The following PTK2 variants were observed in gnomAD, a reference collection of about 807,000 sequenced individuals.
PTK2 encodes focal adhesion kinase 1.
PTK2 carries 45 observed loss-of-function variants against 150.1 expected under a neutral mutation model. That is an observed-to-expected ratio of 0.30 (90% CI 0.24 to 0.38). The LOEUF is 0.38. PTK2 is among the 10% of genes least tolerant of loss of function. The probability of loss-of-function intolerance (pLI) is 1.00; values close to 1 mark genes in which losing one functional copy is unlikely to be tolerated. For synonymous variants in PTK2, 432 were observed against 449.2 expected (o/e 0.96, Z 0.48); for missense variants, 919 against 1,307.3 (o/e 0.70, Z 4.58).
At chr8:140,669,859 G>A in intron 29 of PTK2, 124 bp from the exon 33 acceptor site, 1 of 1,158,322 alleles carries the variant, frequency 8.6e-7, no homozygotes, top group South Asian at 1.4e-5. Flanking sequence ...AGAACAAAAA[G>A]GAGCTAGTTT....
At chr8:140,844,445 C>G (rs1383881459) in intron 7 of PTK2, among the ~76,000 whole-genome samples, 2 of 151,924 alleles carry the variant, frequency 1.3e-5, no homozygotes, top group East Asian at 3.9e-4. Flanking sequence ...TTTATTTATT[C>G]AAGTATCTAT....
rs372118639 is a variant in PTK2, at chr8:140,678,671, T to G, written c.2563-3172A>C. Among the ~76,000 whole-genome samples, 3 of 152,190 alleles carry G rather than the reference T, an allele frequency of 2.0e-5. No individual in the cohort carries two copies. In the East Asian group the frequency reaches 5.8e-4, roughly 29 times the overall value. ...TCCAGACCAAAGCTGCAGTTTTAAGTAGGAAGGTCAGGCCTTCTAAGAAAG... is the reference window on the plus strand; with the variant it reads ...TCCAGACCAAAGCTGCAGTTTTAAGGAGGAAGGTCAGGCCTTCTAAGAAAG... On this transcript the variant is annotated intron_variant, in intron 27 of 31. Coordinates refer to ENST00000522684, the Ensembl canonical transcript of PTK2.
At chr8:140,817,069 GCCC>G (rs768969808) in intron 10 of PTK2, among the ~76,000 whole-genome samples, 6 of 152,160 alleles carry the variant, frequency 3.9e-5, no homozygotes, top group Non-Finnish European at 8.8e-5. Flanking sequence ...ATCCCATCTG[GCCC>G]CCAGGGAGGA....
intron 27 of PTK2, among the ~76,000 whole-genome samples, chr8:140,676,497 CAG>C (rs1356750846): frequency 6.6e-6 from 1 of 150,642 alleles, no homozygotes; most frequent in African/African-American, 2.4e-5. Flanking sequence ...AACTTACAAA[CAG>C]AAAATCAAAT....
chr8:140,883,690 C>T (rs2100150579), intron 3 of PTK2, among the ~76,000 whole-genome samples: 1 of 152,008 alleles, frequency 6.6e-6, no homozygotes, highest in Non-Finnish European at 1.5e-5. Context: ...AGTACGTTTC[C>T]TCCTCTTGGT....
At chr8:140,719,398 C>T (rs13257119) in intron 22 of PTK2, among the ~76,000 whole-genome samples, 19,457 of 152,100 alleles carry the variant, frequency 0.13, 1,709 homozygotes, top group Non-Finnish European at 0.19. Context: ...GAACCTGGTC[C>T]CATGTGCCAG....
At chr8:140,874,678 C>T (rs911489862) in intron 4 of PTK2, among the ~76,000 whole-genome samples, 2 of 152,032 alleles carry the variant, frequency 1.3e-5, no homozygotes, top group Non-Finnish European at 2.9e-5. Context: ...AAGAGAGTAC[C>T]TACATGATAA....
intron 4 of PTK2, among the ~76,000 whole-genome samples, chr8:140,866,518 G>A (rs991612045): frequency 6.6e-6 from 1 of 152,200 alleles, no homozygotes; most frequent in Non-Finnish European, 1.5e-5. Flanking sequence ...TTTGGGCCAT[G>A]CCACTTATTC....
intron 14 of PTK2, among the ~76,000 whole-genome samples, chr8:140,780,365 C>T (rs906376931): frequency 7.2e-5 from 11 of 152,084 alleles, no homozygotes; most frequent in Non-Finnish European, 1.5e-4. Flanking sequence ...AAAGAACAAC[C>T]AGATGTACAT....
intron 5 of PTK2, among the ~76,000 whole-genome samples, chr8:140,849,467 G>C (rs1324602129): frequency 6.6e-6 from 1 of 152,142 alleles, no homozygotes; most frequent in Non-Finnish European, 1.5e-5. Context: ...CTAACTCCCA[G>C]CAGAATTGCT....
chr8:140,800,482 G>C lies in PTK2; in HGVS notation c.1070C>G (p.Ser357Ter). 1 of 1,613,296 alleles carries C rather than the reference G, an allele frequency of 6.2e-7. No homozygotes were observed. ...ACCTTTCTGAGGTCTGATGATAAAT[G>C]ACTGCGAGGTTCCATTCACCAGCCG... is the stretch of plus-strand genomic sequence containing the variant. The change falls in exon 12 of 32, where the codon TCA (serine) becomes TGA (stop). Residue 357 changes from serine to a stop codon, truncating the protein, a stop_gained. Transcript: ENST00000522684. LOFTEE classifies it high-confidence loss of function.
At chr8:140,978,144 A>G (rs1447582074) in intron 1 of PTK2, among the ~76,000 whole-genome samples, 1 of 152,214 alleles carries the variant, frequency 6.6e-6, no homozygotes, top group African/African-American at 2.4e-5. Context: ...TAGACCTAAA[A>G]CCATAAAAAC....
chr8:140,770,982 T>C (rs1261637246), intron 14 of PTK2, 183 bp from the exon 15 acceptor site: 1 of 201,280 alleles, frequency 5.0e-6, no homozygotes, highest in Non-Finnish European at 1.0e-5. Flanking sequence ...AAAAACATAC[T>C]AATATTTTTA....
chr8:140,858,743 T>G (rs954194218), intron 5 of PTK2, among the ~76,000 whole-genome samples: 2 of 152,180 alleles, frequency 1.3e-5, no homozygotes, highest in Admixed American at 6.5e-5. Flanking sequence ...CTTGAAATAA[T>G]GGCTATTTAT....
chr8:140,701,120 A>T (rs2100030166), intron 25 of PTK2, 98 bp from the exon 29 acceptor site: 1 of 1,334,442 alleles, frequency 7.5e-7, no homozygotes, highest in Admixed American at 2.7e-5. Context: ...TAAGCAAAAC[A>T]GCAAGTATGA....
intron 14 of PTK2, among the ~76,000 whole-genome samples, chr8:140,765,479 T>TAA (rs974300319): frequency 6.7e-6 from 1 of 148,448 alleles, no homozygotes; most frequent in Non-Finnish European, 1.5e-5. Context: ...GTGATTACAG[T>TAA]AAAAAAAAAA....
chr8:140,904,182 C>A (rs962777112), intron 2 of PTK2, among the ~76,000 whole-genome samples: 3 of 152,108 alleles, frequency 2.0e-5, no homozygotes, highest in Admixed American at 6.5e-5. Context: ...TCCATCAATA[C>A]GTACTTTATT....
intron 10 of PTK2, among the ~76,000 whole-genome samples, chr8:140,807,662 G>C (rs1407313508): frequency 1.3e-5 from 2 of 152,032 alleles, no homozygotes; most frequent in African/African-American, 4.8e-5. Context: ...TCAAAAACTT[G>C]GAATGATAAA....
chr8:140,835,144 T>C (rs1392812663), intron 7 of PTK2, among the ~76,000 whole-genome samples: 1 of 152,232 alleles, frequency 6.6e-6, no homozygotes, highest in Non-Finnish European at 1.5e-5. Context: ...CCTGTGGCCT[T>C]ATCCTGCACG....
Sources: gnomAD v4.1 joint callset for allele counts (sites outside exome capture counted in the v4.1 genomes callset) on GRCh38, gnomAD v4.1.1 for gene constraint, MANE v1.5 for transcripts, NCBI Gene and HGNC (gene_info 2026-07-23, HGNC 2026-07-21) for gene names.